The following EPS15 variants were observed in gnomAD, a reference collection of about 807,000 sequenced individuals.
EPS15 encodes the protein epidermal growth factor receptor pathway substrate 15, also known as epidermal growth factor receptor substrate 15.
A neutral mutation model predicts 113.8 loss-of-function variants in EPS15; 72 were observed. The observed-to-expected ratio is 0.63, with a 90% CI of 0.52 to 0.77. EPS15 has a LOEUF of 0.77. Ranked by LOEUF, EPS15 falls within the 30% of genes least tolerant of loss-of-function variation. The pLI, the probability that EPS15 is intolerant of heterozygous loss-of-function variation, is 0.00. For synonymous variants in EPS15, 344 were observed against 363.4 expected, an observed-to-expected ratio of 0.95 and a Z score of 0.61; for missense variants, 1,048 against 1,045.8, an observed-to-expected ratio of 1.00 and a Z score of -0.03.
intron 2 of EPS15, among the ~76,000 whole-genome samples, chr1:51,480,388 T>A (rs920099068): frequency 6.6e-6 from 1 of 152,262 alleles, no homozygotes; most frequent in African/African-American, 2.4e-5. Flanking sequence ...GACTACTTTA[T>A]ACTCGTAGAG....
intron 16 of EPS15, among the ~76,000 whole-genome samples, chr1:51,405,276 G>A (rs1052469586): frequency 2.6e-5 from 4 of 152,042 alleles, no homozygotes; most frequent in Admixed American, 2.0e-4. Context: ...GTTGGTACTC[G>A]TCAAATAATT....
chr1:51,393,844 C>T (rs1570181861), intron 21 of EPS15, among the ~76,000 whole-genome samples: 1 of 152,258 alleles, frequency 6.6e-6, no homozygotes, highest in African/African-American at 2.4e-5. Flanking sequence ...TTGATGAACA[C>T]TGCTTAATAT....
intron 17 of EPS15, among the ~76,000 whole-genome samples, chr1:51,402,883 T>A (rs1202264599): frequency 1.3e-5 from 2 of 152,170 alleles, no homozygotes; most frequent in Non-Finnish European, 2.9e-5. Flanking sequence ...CAAGGCTGGG[T>A]GACAGAGTGA....
chr1:51,438,080 C>G lies in EPS15; in HGVS notation c.1040+2267G>C, dbSNP rs1029866985. On this transcript the variant is annotated intron_variant, in intron 12 of 24. Transcript: ENST00000371733. ...TATTTACAAAAGCGTATTTTAACAA[C>G]TATAATTTTAGCATGGGGATGAGTC... Among the ~76,000 whole-genome samples the G allele has an allele frequency of 3.9e-4, 59 of 152,218 alleles. 1 individual carries two copies. Among genetic ancestry groups the G allele is most frequent in the African/African-American group, 1.4e-3 (59 of 41,530 alleles).
chr1:51,397,278 T>G (rs1008548930), intron 20 of EPS15: 3 of 152,196 alleles, frequency 2.0e-5, no homozygotes, highest in Admixed American at 6.5e-5. Flanking sequence ...CAGAGGAAAT[T>G]AGATAAACTG....
At chr1:51,401,089 G>A in intron 18 of EPS15, 136 bp from the exon 19 acceptor site, 1 of 561,228 alleles carries the variant, frequency 1.8e-6, no homozygotes, top group Admixed American at 3.7e-5. Context: ...ATAAAATAAG[G>A]AATGTCATTG....
chr1:51,429,969 A>C (rs1338702998), intron 12 of EPS15, among the ~76,000 whole-genome samples: 1 of 152,014 alleles, frequency 6.6e-6, no homozygotes. Flanking sequence ...CTTTCAATAC[A>C]CAGGAAATGG....
intron 23 of EPS15, 85 bp from the exon 24 acceptor site, chr1:51,361,440 G>T: frequency 2.0e-6 from 2 of 1,002,286 alleles, no homozygotes; most frequent in Non-Finnish European, 3.0e-6. Context: ...TAGCATTAAA[G>T]TACTGTGGGT....
intron 13 of EPS15, among the ~76,000 whole-genome samples, chr1:51,413,627 A>G (rs1649946747): frequency 6.6e-6 from 1 of 152,246 alleles, no homozygotes; most frequent in Admixed American, 6.5e-5. Flanking sequence ...AACTTTTTAA[A>G]ATAATACCTA....
Position 51,408,149 on chromosome 1 carries a change from G to A in EPS15, c.1459C>T (p.Gln487Ter). 6.2e-7 allele frequency: 1 copy of A among 1,613,886 alleles called. No individual in the cohort carries two copies. Among genetic ancestry groups the A allele is most frequent in the Non-Finnish European group, 8.5e-7 (1 of 1,179,756 alleles). ...PLQQHLQDSQ[Q>*]EISSMQMKLM... ...CAAAGACTTACTGAACTAATTTCCT[G>A]TTGTGAATCTTGTAGGTGCTGCTGA... Residue 487 changes from glutamine (Q) to a stop codon, truncating the protein, a stop_gained, in exon 15 of 25, where the codon CAG (glutamine) becomes TAG (stop). Transcript: ENST00000371733. LOFTEE classifies it high-confidence loss of function.
At chr1:51,365,021 G>A (rs1375254381) in intron 22 of EPS15, among the ~76,000 whole-genome samples, 5 of 151,902 alleles carry the variant, frequency 3.3e-5, no homozygotes, top group African/African-American at 7.3e-5. Flanking sequence ...TGGTCAAGAC[G>A]AGGTTTCACC....
At chr1:51,421,589 C>T (rs915286371) in intron 13 of EPS15, among the ~76,000 whole-genome samples, 197 bp downstream of exon 13, 6 of 152,098 alleles carry the variant, frequency 3.9e-5, no homozygotes, top group African/African-American at 1.4e-4. Context: ...ATACTGCTTT[C>T]TCATTGCAGT....
intron 20 of EPS15, chr1:51,397,333 G>A (rs956412852): frequency 1.1e-4 from 17 of 152,194 alleles, no homozygotes. Flanking sequence ...TTTGAATGGT[G>A]AAATTACAAG....
In EPS15 at chr1:51,363,959, C is replaced by T. The variant is rs781473259; in HGVS notation, c.2266G>A (p.Val756Ile). The T allele has an allele frequency of 1.9e-6, 3 of 1,613,732 alleles. No individual in the cohort carries two copies. Among genetic ancestry groups the T allele is most frequent in the Admixed American group, 1.7e-5 (1 of 59,962 alleles). ...CTTTTGACCGATGTTTCCTCAAATACATTTTTTGTAATCACTACGTTGCTG... is the reference window on the plus strand; with the variant it reads ...CTTTTGACCGATGTTTCCTCAAATATATTTTTTGTAATCACTACGTTGCTG... ...SVSNVVITKN[V>I]FEETSVKSED... is the part of the protein sequence containing the mutation. The change falls in exon 23 of 25, where the codon GTA becomes ATA. Residue 756 changes from valine to isoleucine, a missense_variant. Transcript: ENST00000371733.
chr1:51,471,779 A>C, intron 3 of EPS15, 42 bp from the exon 4 acceptor site: 1 of 1,366,094 alleles, frequency 7.3e-7, no homozygotes, highest in East Asian at 2.3e-5. Context: ...TATTTTAAAC[A>C]AAAGTCATCT....
At chr1:51,518,356 A>G (rs1169277912) in intron 1 of EPS15, 1 of 152,760 alleles carries the variant, frequency 6.5e-6, no homozygotes, top group East Asian at 1.9e-4. Flanking sequence ...ATTCCCCCCA[A>G]GAAAAGTGCT....
rs541536581 is a variant in EPS15, at chr1:51,518,403, G to C, written c.33+796C>G. ...CGTTCCTGGCACCAAGACTGGCGGA[G>C]CCACCACACCCGTTAAAGGGATCCA... On this transcript the variant is annotated intron_variant, in intron 1 of 24. Transcript: ENST00000371733. 3.6e-3 allele frequency: 543 copies of C among 152,594 alleles called. 1 individual carries two copies. Among genetic ancestry groups the C allele is most frequent in the Non-Finnish European group, 6.4e-3 (434 of 68,248 alleles). 9.5% of individuals were successfully genotyped at this position (152,594 alleles called of 1,614,324 possible). A position where few individuals can be genotyped will look rare whatever the true frequency, so the allele number is the denominator to read the frequency against.
intron 13 of EPS15, among the ~76,000 whole-genome samples, chr1:51,412,296 A>C (rs1229403257): frequency 1.3e-5 from 2 of 152,190 alleles, no homozygotes; most frequent in Non-Finnish European, 2.9e-5. Flanking sequence ...TGATGGGTGC[A>C]GCCAACCACC....
intron 8 of EPS15, among the ~76,000 whole-genome samples, chr1:51,456,613 A>G (rs1221437033): frequency 6.6e-6 from 1 of 152,220 alleles, no homozygotes; most frequent in Non-Finnish European, 1.5e-5. Context: ...TAAAATGTTC[A>G]GATCTTAGCT....
Sources: gnomAD v4.1 joint callset for allele counts (sites outside exome capture counted in the v4.1 genomes callset) on GRCh38, gnomAD v4.1.1 for gene constraint, MANE v1.5 for transcripts, NCBI Gene and HGNC (gene_info 2026-07-23, HGNC 2026-07-21) for gene names.